ERBB4: variants seen among roughly 807,000 people sequenced by gnomAD.
The protein encoded by ERBB4 is erb-b2 receptor tyrosine kinase 4.
A neutral mutation model predicts 158.0 loss-of-function variants in ERBB4; 42 were observed. That is an observed-to-expected ratio of 0.27 (90% confidence interval 0.21 to 0.34). The LOEUF is 0.34. Ranked by LOEUF, ERBB4 falls within the 10% of genes least tolerant of loss-of-function variation. The pLI, the probability that ERBB4 is intolerant of heterozygous loss-of-function variation, is 1.00. For synonymous variants in ERBB4, 583 were observed against 558.7 expected, an observed-to-expected ratio of 1.04 and a Z score of -0.61; for missense variants, 1,333 against 1,624.1, an observed-to-expected ratio of 0.82 and a Z score of 3.08.
chr2:212,171,428 CT>C (rs1311631607), intron 1 of ERBB4, among the ~76,000 whole-genome samples: 3 of 151,982 alleles, frequency 2.0e-5, no homozygotes, highest in African/African-American at 7.2e-5. Flanking sequence ...TGAATTAAGA[CT>C]CCAGGGGACT....
chr2:211,760,145 T>A (rs929567645), intron 4 of ERBB4, among the ~76,000 whole-genome samples: 8 of 152,188 alleles, frequency 5.3e-5, no homozygotes, highest in Non-Finnish European at 1.0e-4. Context: ...ACTTAAACAA[T>A]AGAAAGAATG....
chr2:211,861,088 AT>A, intron 3 of ERBB4, among the ~76,000 whole-genome samples: 1 of 53,910 alleles, frequency 1.9e-5, no homozygotes, highest in East Asian at 6.8e-4. Context: ...ATATTATAAA[AT>A]ATATAAATAC....
chr2:211,820,949 A>ACAT (rs2105941585), intron 3 of ERBB4, among the ~76,000 whole-genome samples: 1 of 151,886 alleles, frequency 6.6e-6, no homozygotes, highest in East Asian at 1.9e-4. Context: ...CTCATACGTA[A>ACAT]CATCAAAAGT....
intron 19 of ERBB4, among the ~76,000 whole-genome samples, chr2:211,587,685 A>G (rs2125785691): frequency 6.6e-6 from 1 of 152,298 alleles, no homozygotes; most frequent in South Asian, 2.1e-4. Context: ...CACTTTTTAA[A>G]TTGGAAGAAG....
intron 20 of ERBB4, among the ~76,000 whole-genome samples, chr2:211,553,476 T>G (rs1056152156): frequency 6.6e-6 from 1 of 152,176 alleles, no homozygotes; most frequent in African/African-American, 2.4e-5. Context: ...ATCTGAAATT[T>G]TAAAAGTCAT....
At chr2:211,954,906 G>A (rs892073601) in intron 2 of ERBB4, among the ~76,000 whole-genome samples, 8 of 152,028 alleles carry the variant, frequency 5.3e-5, no homozygotes, top group Non-Finnish European at 1.2e-4. Flanking sequence ...TAACCACAGA[G>A]CAAACATTAC....
chr2:211,410,651 T>C (rs1189011992), intron 25 of ERBB4, among the ~76,000 whole-genome samples: 1 of 152,182 alleles, frequency 6.6e-6, no homozygotes, highest in Non-Finnish European at 1.5e-5. Context: ...ATTTGTATGA[T>C]ACCTGGAGAT....
At chr2:211,868,189 G>T (rs775156824) in intron 3 of ERBB4, among the ~76,000 whole-genome samples, 7 of 152,162 alleles carry the variant, frequency 4.6e-5, no homozygotes, top group Non-Finnish European at 1.0e-4. Flanking sequence ...TATTTCTACA[G>T]AATGATGAGT....
chr2:212,161,842 T>C (rs1308746939), intron 1 of ERBB4, among the ~76,000 whole-genome samples: 1 of 151,844 alleles, frequency 6.6e-6, no homozygotes, highest in Non-Finnish European at 1.5e-5. Context: ...TATTCTCCTA[T>C]GAATTGGGAC....
chr2:211,485,474 G>T (rs1170697070), intron 20 of ERBB4, among the ~76,000 whole-genome samples: 2 of 151,700 alleles, frequency 1.3e-5, no homozygotes, highest in Non-Finnish European at 2.9e-5. Flanking sequence ...CCTCCTTCTG[G>T]CCCAGCTCAA....
At chr2:211,998,117 G>C (rs2076010138) in intron 2 of ERBB4, among the ~76,000 whole-genome samples, 1 of 151,548 alleles carries the variant, frequency 6.6e-6, no homozygotes, top group Non-Finnish European at 1.5e-5. Context: ...ATACCAACAT[G>C]GCACATGTAT....
At chr2:212,143,246 A>G (rs1411448655) in intron 1 of ERBB4, among the ~76,000 whole-genome samples, 1 of 152,214 alleles carries the variant, frequency 6.6e-6, no homozygotes, top group Non-Finnish European at 1.5e-5. Flanking sequence ...TTGCTTAAAT[A>G]TATTCACACC....
At chr2:211,968,231 C>T (rs2081355547) in intron 2 of ERBB4, among the ~76,000 whole-genome samples, 1 of 151,910 alleles carries the variant, frequency 6.6e-6, no homozygotes, top group Admixed American at 6.6e-5. Flanking sequence ...TTCAGATGTA[C>T]AGCACAAGCT....
At chr2:211,900,251 A>G (rs1013230877) in intron 3 of ERBB4, among the ~76,000 whole-genome samples, 1 of 152,096 alleles carries the variant, frequency 6.6e-6, no homozygotes, top group African/African-American at 2.4e-5. Context: ...TCCTCATACT[A>G]ACAGGGACTT....
At chr2:211,966,194 A>G (rs2081306737) in intron 2 of ERBB4, among the ~76,000 whole-genome samples, 1 of 152,232 alleles carries the variant, frequency 6.6e-6, no homozygotes, top group Admixed American at 6.5e-5. Flanking sequence ...AGCTTGGGCA[A>G]CAGAGTGAGA....
rs567720432 is a variant in ERBB4, at chr2:212,323,932, G to A, written c.83-199029C>T. ...GTAGAAGTCACTGGTTGCCCAGTCC[G>A]GAGCCATGCCCACCACACCTCACGC... On this transcript the variant is annotated intron_variant, in intron 1 of 27. Coordinates refer to ENST00000342788, the MANE Select transcript of ERBB4 (RefSeq NM_005235.3). Among the ~76,000 whole-genome samples the A allele has an allele frequency of 3.3e-5, 5 of 150,540 alleles. No homozygotes were observed. In the South Asian group the frequency reaches 6.4e-4, roughly 19 times the overall value.
chr2:211,521,983 A>C (rs1406938655), intron 20 of ERBB4, among the ~76,000 whole-genome samples: 1 of 151,246 alleles, frequency 6.6e-6, no homozygotes, highest in Non-Finnish European at 1.5e-5. Context: ...GAGCTGTGAC[A>C]AAAATGTACA....
At chr2:212,428,236 A>G (rs886119586) in intron 1 of ERBB4, among the ~76,000 whole-genome samples, 7 of 152,184 alleles carry the variant, frequency 4.6e-5, no homozygotes, top group Non-Finnish European at 1.0e-4. Flanking sequence ...TTTTTCTTAT[A>G]CCAACATTTT....
intron 3 of ERBB4, among the ~76,000 whole-genome samples, chr2:211,817,574 T>TCC (rs1163907807): frequency 2.0e-5 from 3 of 152,128 alleles, no homozygotes; most frequent in African/African-American, 7.2e-5. Context: ...TTGCTATCAG[T>TCC]CCCCCTAAAT....
Sources: allele counts gnomAD v4.1 joint callset (sites outside exome capture counted in the v4.1 genomes callset), GRCh38; gene constraint gnomAD v4.1.1; transcripts MANE v1.5; gene names NCBI Gene and HGNC (gene_info 2026-07-23, HGNC 2026-07-21).